The following DLC1 variants were observed in gnomAD, a reference collection of about 807,000 sequenced individuals.
DLC1 encodes the protein rho GTPase-activating protein 7.
In DLC1, 54 loss-of-function variants were observed where a neutral mutation model predicts 140.3. The observed-to-expected ratio is 0.38, with a 90% CI of 0.31 to 0.48. The LOEUF (loss-of-function observed/expected upper bound fraction) is 0.48, where lower values mean the gene tolerates loss of function less well. Ranked by LOEUF, DLC1 falls within the 20% of genes least tolerant of loss-of-function variation. DLC1 has a pLI of 0.96. For missense variants in DLC1, 2,536 were observed against 1,907.0 expected (o/e 1.33, Z -6.14); for synonymous variants, 986 against 728.1 (o/e 1.35, Z -5.70).
At chr8:13,554,814 A>G (rs1173801269) in intron 1 of DLC1, among the ~76,000 whole-genome samples, 1 of 152,192 alleles carries the variant, frequency 6.6e-6, no homozygotes. Context: ...GCAGCCAGAG[A>G]TATCTGTTAA....
chr8:13,457,716 A>G (rs1332039758), intron 2 of DLC1, among the ~76,000 whole-genome samples: 2 of 150,656 alleles, frequency 1.3e-5, no homozygotes, highest in Admixed American at 1.3e-4. Flanking sequence ...TAAAAACAGT[A>G]CACACAATCC....
rs1585925898 is a variant in DLC1 at position 13,214,873 on chromosome 8, G to A, written c.1348+90396C>T. ...GGCAATAGATGGGTCTCATGACAGGGCTTTTGTAAGCGCCTTGCTCCATGA... is the reference window on the plus strand; with the variant it reads ...GGCAATAGATGGGTCTCATGACAGGACTTTTGTAAGCGCCTTGCTCCATGA... On this transcript the variant is annotated intron_variant, in intron 5 of 17. Transcript: ENST00000276297. 1.1e-5 allele frequency: 8 copies of A among 705,334 alleles called. No individual in the cohort carries two copies. The East Asian group carries it at 1.7e-4, about 15-fold the overall frequency. The allele number at this position is 705,334 out of a possible 1,614,324, so 43.7% of individuals were successfully genotyped here.
At chr8:13,108,337 C>T (rs993737037) in intron 7 of DLC1, among the ~76,000 whole-genome samples, 18 of 152,166 alleles carry the variant, frequency 1.2e-4, no homozygotes, top group Non-Finnish European at 1.5e-5. Flanking sequence ...CTCTGACATC[C>T]ATCACTGCAT....
At chr8:13,582,878 CTATATATATA>C (rs55681527) in intron 1 of DLC1, among the ~76,000 whole-genome samples, 4,997 of 103,020 alleles carry the variant, frequency 0.049, 222 homozygotes, top group East Asian at 0.12. Flanking sequence ...ATACTGTGGT[CTATATATATA>C]TATATATATA....
rs1057004395 is a variant in DLC1 at position 13,299,749 on chromosome 8, A to G, written c.1348+5520T>C. ...TTGAGGGGAGTTTAATAACAGGACC[A>G]TTTATAATGGGAAACCCCAGGGCCA... is the stretch of plus-strand genomic sequence containing the variant. On this transcript the variant is annotated intron_variant, in intron 5 of 17. Transcript: ENST00000276297. Among the ~76,000 whole-genome samples, 6 of 152,154 alleles carry G rather than the reference A, an allele frequency of 3.9e-5. 1 individual carries two copies. The highest frequency in any genetic ancestry group is 2.6e-4 in the Admixed American group (4 of 15,280).
chr8:13,214,092 G>A (rs1585923885), intron 5 of DLC1, among the ~76,000 whole-genome samples: 1 of 151,960 alleles, frequency 6.6e-6, no homozygotes, highest in African/African-American at 2.4e-5. Flanking sequence ...CTGTTTATTT[G>A]TTTTCTTTAT....
rs540324206 is a variant in DLC1 at position 13,256,501 on chromosome 8, G to A, written c.1348+48768C>T. On this transcript the variant is annotated intron_variant, in intron 5 of 17. Coordinates refer to ENST00000276297, the MANE Select transcript of DLC1 (RefSeq NM_182643.3). ...GTCCATCAGTGATAGACTGGATAAA[G>A]AAAATGTGGCACATATACACCATGG... Among the ~76,000 whole-genome samples, 9 of 152,252 alleles carry A rather than the reference G, an allele frequency of 5.9e-5. No homozygotes were observed. In the South Asian group the frequency reaches 1.9e-3, roughly 32 times the overall value.
In DLC1 at chr8:13,269,893, T is replaced by A. The variant is rs1343428454; in HGVS notation, c.1348+35376A>T. ...TAACACGGTGAAACCCCGTCTCTAC[T>A]AAAAATACAAAAAAAAAAAAAAAAT... On this transcript the variant is annotated intron_variant, in intron 5 of 17. Coordinates refer to ENST00000276297, the MANE Select transcript of DLC1 (RefSeq NM_182643.3). Among the ~76,000 whole-genome samples the A allele has an allele frequency of 1.3e-3, 156 of 116,316 alleles. 1 individual carries two copies. The highest frequency in any genetic ancestry group is 1.9e-3 in the Non-Finnish European group (104 of 55,322). 76.3% of individuals were successfully genotyped at this position (116,316 alleles called of 152,430 possible). A position where few individuals can be genotyped will look rare whatever the true frequency, so the allele number is the denominator to read the frequency against.
intron 5 of DLC1, among the ~76,000 whole-genome samples, chr8:13,178,292 G>C (rs1585848653): frequency 6.6e-6 from 1 of 152,290 alleles, no homozygotes; most frequent in East Asian, 1.9e-4. Context: ...GCCGGGCGCG[G>C]TGGCTCACGC....
intron 4 of DLC1, among the ~76,000 whole-genome samples, chr8:13,385,570 T>A (rs933481202): frequency 3.9e-5 from 6 of 152,224 alleles, no homozygotes; most frequent in Admixed American, 6.5e-5. Flanking sequence ...TAGGACTTTA[T>A]GAGGATACAG....
intron 2 of DLC1, among the ~76,000 whole-genome samples, chr8:13,414,339 G>T (rs1381572931): frequency 6.6e-6 from 1 of 152,100 alleles, no homozygotes; most frequent in Non-Finnish European, 1.5e-5. Context: ...TATGTGTATA[G>T]ACAATTTATC....
chr8:13,345,336 C>T (rs1834278673), intron 4 of DLC1, among the ~76,000 whole-genome samples: 1 of 151,946 alleles, frequency 6.6e-6, no homozygotes, highest in South Asian at 2.1e-4. Flanking sequence ...TTCAATTCCC[C>T]TATAGTGAAA....
At chr8:13,091,186 T>G in intron 14 of DLC1, 132 bp downstream of exon 14, 1 of 693,524 alleles carries the variant, frequency 1.4e-6, no homozygotes, top group Non-Finnish European at 2.4e-6. Flanking sequence ...AAATAAGACA[T>G]TCTCAGGCTA....
At chr8:13,115,203 A>C (rs922197540) in intron 6 of DLC1, among the ~76,000 whole-genome samples, 1 of 152,236 alleles carries the variant, frequency 6.6e-6, no homozygotes, top group East Asian at 1.9e-4. Context: ...TAACAATACA[A>C]TATTAAGTGA....
intron 3 of DLC1, among the ~76,000 whole-genome samples, chr8:13,397,377 A>G (rs1203399164): frequency 1.3e-5 from 2 of 152,062 alleles, no homozygotes; most frequent in Non-Finnish European, 2.9e-5. Flanking sequence ...TAGAAGGAAA[A>G]ATGGAGAGCA....
chr8:13,550,673 C>T (rs149242324), intron 1 of DLC1, among the ~76,000 whole-genome samples: 4 of 152,190 alleles, frequency 2.6e-5, no homozygotes, highest in South Asian at 2.1e-4. Flanking sequence ...TCCAGAGCAG[C>T]TTGTGTTATC....
chr8:13,359,214 A>C (rs1024364681), intron 4 of DLC1, among the ~76,000 whole-genome samples: 1 of 152,188 alleles, frequency 6.6e-6, no homozygotes, highest in Non-Finnish European at 1.5e-5. Context: ...CTGGGATTAC[A>C]GGCGTGAGCC....
intron 2 of DLC1, among the ~76,000 whole-genome samples, chr8:13,457,980 A>T (rs1395017527): frequency 6.6e-6 from 1 of 152,200 alleles, no homozygotes; most frequent in Non-Finnish European, 1.5e-5. Context: ...AGTATAGAAT[A>T]GGTTCAAGAA....
chr8:13,363,268 G>A (rs1412641976), intron 4 of DLC1, among the ~76,000 whole-genome samples: 3 of 152,078 alleles, frequency 2.0e-5, no homozygotes, highest in Non-Finnish European at 4.4e-5. Flanking sequence ...CCTGAGGGCA[G>A]AGTCATTGCT....
Sources: gnomAD v4.1 joint callset for allele counts (sites outside exome capture counted in the v4.1 genomes callset) on GRCh38, gnomAD v4.1.1 for gene constraint, MANE v1.5 for transcripts, NCBI Gene and HGNC (gene_info 2026-07-23, HGNC 2026-07-21) for gene names.